TNR: variants seen among roughly 807,000 people sequenced by gnomAD.
The protein encoded by TNR is tenascin-R.
TNR carries 45 observed loss-of-function variants against 150.4 expected under a neutral mutation model. That is an observed-to-expected ratio of 0.30 (90% confidence interval 0.24 to 0.38). TNR has a LOEUF of 0.38. Ranked by LOEUF, TNR falls within the 10% of genes least tolerant of loss-of-function variation. The pLI is 1.00. For synonymous variants in TNR, 687 were observed against 678.4 expected (o/e 1.01, Z -0.20); for missense variants, 1,544 against 1,759.1 (o/e 0.88, Z 2.19).
At chr1:175,345,359 G>A (rs1276790752) in intron 18 of TNR, among the ~76,000 whole-genome samples, 1 of 152,178 alleles carries the variant, frequency 6.6e-6, no homozygotes, top group African/African-American at 2.4e-5. Context: ...TCCATTCACT[G>A]AAGAGTAAGA....
intron 1 of TNR, among the ~76,000 whole-genome samples, chr1:175,608,226 G>C (rs563052441): frequency 1.3e-5 from 2 of 152,198 alleles, no homozygotes; most frequent in Non-Finnish European, 2.9e-5. Flanking sequence ...ATATAGTAAA[G>C]TGGCACTACA....
intron 18 of TNR, among the ~76,000 whole-genome samples, chr1:175,342,814 C>A (rs1256131911): frequency 2.6e-5 from 4 of 152,362 alleles, no homozygotes; most frequent in African/African-American, 9.6e-5. Flanking sequence ...TCTAAGACAT[C>A]TAAATCCTCC....
intron 2 of TNR, among the ~76,000 whole-genome samples, chr1:175,488,459 C>A (rs939231126): frequency 6.6e-6 from 1 of 152,076 alleles, no homozygotes; most frequent in Non-Finnish European, 1.5e-5. Flanking sequence ...CAGTGAGGGG[C>A]AATGGAGGGG....
intron 9 of TNR, among the ~76,000 whole-genome samples, chr1:175,367,622 T>C (rs1377290617): frequency 6.6e-6 from 1 of 152,142 alleles, no homozygotes; most frequent in Non-Finnish European, 1.5e-5. Context: ...CAGGTTGGCT[T>C]GAACCAGCGA....
chr1:175,702,172 T>C (rs1487986853), intron 1 of TNR, among the ~76,000 whole-genome samples: 2 of 152,222 alleles, frequency 1.3e-5, no homozygotes, highest in East Asian at 3.8e-4. Context: ...GTATCTTCCA[T>C]GTGTGCTAAA....
intron 1 of TNR, among the ~76,000 whole-genome samples, chr1:175,683,290 T>A (rs1241329997): frequency 1.3e-5 from 2 of 152,210 alleles, no homozygotes; most frequent in African/African-American, 4.8e-5. Context: ...TAACAAAGGC[T>A]TGTCCTAGAA....
chr1:175,423,798 G>A (rs1201763281), intron 2 of TNR, among the ~76,000 whole-genome samples: 3 of 152,136 alleles, frequency 2.0e-5, no homozygotes, highest in Non-Finnish European at 2.9e-5. Context: ...ATAGGGTGCA[G>A]CTAGGGTCAA....
rs376661152 is a variant in TNR, at chr1:175,561,397, C to T, written c.-164-33028G>A. Among the ~76,000 whole-genome samples, 17 of 152,266 alleles carry T rather than the reference C, an allele frequency of 1.1e-4. No homozygotes were observed. The East Asian group carries it at 2.9e-3, about 26-fold the overall frequency. On this transcript the variant is annotated intron_variant, in intron 1 of 22. Transcript: ENST00000367674. ...AGCAGCATAATCATCATACATAGAT[C>T]GCCTTCCATGCCAGCCCCACCTCCT... is the stretch of plus-strand genomic sequence containing the variant.
chr1:175,378,092 G>A (rs1415866997), intron 9 of TNR, among the ~76,000 whole-genome samples: 1 of 152,180 alleles, frequency 6.6e-6, no homozygotes, highest in East Asian at 1.9e-4. Context: ...GACTCCAGCA[G>A]CAGCCTCCTA....
chr1:175,607,088 TAG>T (rs1302514372), intron 1 of TNR, among the ~76,000 whole-genome samples: 2 of 152,264 alleles, frequency 1.3e-5, no homozygotes, highest in Non-Finnish European at 2.9e-5. Flanking sequence ...AGAAAGTTGG[TAG>T]AGTTTGTTCT....
Position 175,324,340 on chromosome 1 carries a change from G to A in TNR, c.3957+16C>T, listed in dbSNP as rs1483640430. On this transcript the variant is annotated intron_variant, in intron 22 of 22. Coordinates refer to ENST00000367674, the MANE Select transcript of TNR (RefSeq NM_003285.3). ...CAGCTCTGGCTCATTCATAGCAGAG[G>A]TGGAGCATCGCTTACCTGACTGTGC... The A allele has an allele frequency of 4.3e-6, 7 of 1,610,672 alleles. No individual in the cohort carries two copies. The highest frequency in any genetic ancestry group is 5.9e-6 in the Non-Finnish European group (7 of 1,178,694).
intron 20 of TNR, 62 bp from the exon 21 acceptor site, chr1:175,330,297 G>A: frequency 1.2e-5 from 17 of 1,457,906 alleles, no homozygotes; most frequent in Non-Finnish European, 1.5e-5. Flanking sequence ...AAATGGGAGG[G>A]AAATGCGTCT....
intron 2 of TNR, among the ~76,000 whole-genome samples, chr1:175,475,411 G>A (rs1657505244): frequency 6.6e-6 from 1 of 152,170 alleles, no homozygotes; most frequent in Admixed American, 6.5e-5. Context: ...TAAGTGTGGT[G>A]GACGTGCTGG....
At chr1:175,530,343 C>T (rs139888355) in intron 1 of TNR, among the ~76,000 whole-genome samples, 7 of 152,276 alleles carry the variant, frequency 4.6e-5, no homozygotes, top group Admixed American at 2.0e-4. Flanking sequence ...CACACACACC[C>T]GCCTCTCTTT....
At chr1:175,733,148 A>G (rs980636010) in intron 1 of TNR, among the ~76,000 whole-genome samples, 2 of 152,238 alleles carry the variant, frequency 1.3e-5, no homozygotes, top group African/African-American at 2.4e-5. Context: ...GCCACTGGCA[A>G]ATAATCTCTT....
chr1:175,467,828 C>T (rs749268543), intron 2 of TNR, among the ~76,000 whole-genome samples: 1 of 152,168 alleles, frequency 6.6e-6, no homozygotes, highest in Admixed American at 6.5e-5. Flanking sequence ...GAATTTTGAA[C>T]TCCATTGGGC....
At chr1:175,497,551 C>T (rs1658538753) in intron 2 of TNR, among the ~76,000 whole-genome samples, 2 of 152,190 alleles carry the variant, frequency 1.3e-5, no homozygotes, top group African/African-American at 4.8e-5. Context: ...TTTCACGGGG[C>T]TTCTGAGCCT....
intron 7 of TNR, 129 bp from the exon 8 acceptor site, chr1:175,386,430 A>C: frequency 1.0e-6 from 1 of 1,002,114 alleles, no homozygotes; most frequent in Non-Finnish European, 1.4e-6. Context: ...ACTGCATTTT[A>C]CAGATGAGGA....
At chr1:175,362,943 A>T in intron 13 of TNR, 134 bp from the exon 14 acceptor site, 1 of 1,107,694 alleles carries the variant, frequency 9.0e-7, no homozygotes, top group Non-Finnish European at 1.3e-6. Context: ...TACATGGTTC[A>T]TGGGCTGGGA....
Sources: gnomAD v4.1 joint callset for allele counts (sites outside exome capture counted in the v4.1 genomes callset) on GRCh38, gnomAD v4.1.1 for gene constraint, MANE v1.5 for transcripts, NCBI Gene and HGNC (gene_info 2026-07-23, HGNC 2026-07-21) for gene names.